ASGR1: variants seen among roughly 807,000 people sequenced by gnomAD.
ASGR1 encodes asialoglycoprotein receptor 1.
In ASGR1, 35 loss-of-function variants were observed where a neutral mutation model predicts 33.1. That is an observed-to-expected ratio of 1.06 (90% confidence interval 0.81 to 1.40). ASGR1 has a LOEUF of 1.40. Among genes scored for constraint, ASGR1 ranks in the 40% most tolerant of loss-of-function variants. The pLI, the probability that ASGR1 is intolerant of heterozygous loss-of-function variation, is 0.00. For synonymous variants in ASGR1, 142 were observed against 152.5 expected (o/e 0.93, Z 0.51); for missense variants, 396 against 373.7 (o/e 1.06, Z -0.49).
rs767396903 is a variant in ASGR1 at position 7,173,677 on chromosome 17, C to T, written c.858G>A (p.Gln286=). The change falls in exon 9 of 9, where the codon CAG becomes CAA. Residue 286 remains glutamine (Q), a synonymous_variant. Coordinates refer to ENST00000269299, the MANE Select transcript of ASGR1 (RefSeq NM_001671.5). The surrounding 1 kb of genome is among the most constrained non-coding windows in gnomAD (Gnocchi z 4.7). The part of the protein sequence containing the change: ...VCETELDKAS[Q]EPPLL ...AAATAAATTAAAGGAGAGGTGGCTC[C>T]TGGCTGGCCTTGTCCAGCTCTGTCT... 2.5e-6 allele frequency: 4 copies of T among 1,613,648 alleles called. No homozygotes were observed. The highest frequency in any genetic ancestry group is 1.7e-5 in the Admixed American group (1 of 60,028).
At chr17:7,176,709 C>G (rs1335543041) in intron 5 of ASGR1, 121 bp downstream of exon 5, 1 of 1,426,778 alleles carries the variant, frequency 7.0e-7, no homozygotes, top group African/African-American at 1.5e-5. Context: ...CAGACTCACA[C>G]ACACACACAC....
In ASGR1 at chr17:7,176,412, CACAG is replaced by C. The variant is rs566064537; in HGVS notation, c.355+414_355+417del. On this transcript the variant is annotated intron_variant, in intron 5 of 8. Transcript: ENST00000269299. Reference sequence around the variant, plus strand: ...CTCACACACACCTCATTATCACACTCACAGACACACTCCGTCATTCTCACACTCT... The same window carrying C: ...CTCACACACACCTCATTATCACACTCACACACTCCGTCATTCTCACACTCT... 3.3e-4 allele frequency among the ~76,000 whole-genome samples: 50 copies of C among 149,808 alleles called. 1 individual carries two copies. The South Asian group carries it at 5.8e-3, about 17-fold the overall frequency.
Position 7,173,986 on chromosome 17 carries a change from C to G in ASGR1, c.676G>C (p.Gly226Arg), listed in dbSNP as rs749476449. Reference protein sequence around the residue: ...DQNGPWKWVDGTDYETGFKNW... With the variant: ...DQNGPWKWVDRTDYETGFKNW... The stretch of plus-strand genomic sequence containing the variant: ...TTGAAGCCCGTCTCGTAGTCCGTCC[C>G]GTCCACCCACTTCCAGGGCCCGTTT... The change falls in exon 8 of 9, where the codon GGG (glycine) becomes CGG (arginine). Residue 226 changes from glycine (G) to arginine (R), a missense_variant. Physicochemically the swap from Gly to Arg is moderately radical, Grantham distance 125 (BLOSUM62 -2). Transcript: ENST00000269299. The surrounding 1 kb of genome is among the most constrained non-coding windows in gnomAD (Gnocchi z 4.7). 14 of 1,614,218 alleles carry G rather than the reference C, an allele frequency of 8.7e-6. No individual in the cohort carries two copies. Among genetic ancestry groups the G allele is most frequent in the Non-Finnish European group, 1.2e-5 (14 of 1,180,006 alleles).
At chr17:7,174,978 CACAT>C (rs199764556) in intron 5 of ASGR1, among the ~76,000 whole-genome samples, 3,095 of 150,538 alleles carry the variant, frequency 0.021, 46 homozygotes, top group Non-Finnish European at 0.029. Flanking sequence ...CCCTTACACA[CACAT>C]ACATAGACAC....
At chr17:7,178,733 CTTTTCTT>C (rs2069245066) in intron 1 of ASGR1, 145 bp from the exon 2 acceptor site, 4,146 of 189,796 alleles carry the variant, frequency 0.022, 10 homozygotes, top group Non-Finnish European at 0.03. Flanking sequence ...TCTTTTTTTT[CTTTTCTT>C]TTTTTTTTTT....
intron 5 of ASGR1, among the ~76,000 whole-genome samples, chr17:7,175,446 A>G (rs894111242): frequency 3.4e-5 from 5 of 147,304 alleles, no homozygotes; most frequent in Non-Finnish European, 3.0e-5. Flanking sequence ...CATTCACACA[A>G]CGCACACCCA....
chr17:7,176,105 C>G (rs1436342445), intron 5 of ASGR1, among the ~76,000 whole-genome samples: 2 of 151,138 alleles, frequency 1.3e-5, no homozygotes, highest in South Asian at 2.1e-4. Flanking sequence ...CACACTCCCT[C>G]TCATTCTCAC....
At position 7,176,309 on chromosome 17, in the gene ASGR1, ACT is replaced by A. The variant is rs1332055135; in HGVS notation, c.355+519_355+520del. On this transcript the variant is annotated intron_variant, in intron 5 of 8. Coordinates refer to ENST00000269299, the MANE Select transcript of ASGR1 (RefSeq NM_001671.5). ...CTCATTCTCACACTCACAGACTCAC[ACT>A]CAGACACAAACACCCCTCATTCTCA... Among the ~76,000 whole-genome samples, 11 of 139,316 alleles carry A rather than the reference ACT, an allele frequency of 7.9e-5. No homozygotes were observed. The East Asian group carries it at 2.4e-3, about 30-fold the overall frequency. The allele number at this position is 139,316 out of a possible 152,430, so 91.4% of individuals were successfully genotyped here.
intron 2 of ASGR1, 55 bp from the exon 3 acceptor site, chr17:7,177,381 T>A (rs899866280): frequency 4.9e-6 from 7 of 1,426,812 alleles, no homozygotes; most frequent in Non-Finnish European, 6.8e-6. Context: ...CTGGCACAGC[T>A]CCAGGGTCCT....
chr17:7,176,221 A>G (rs1432471758), intron 5 of ASGR1, among the ~76,000 whole-genome samples: 1 of 112,958 alleles, frequency 8.9e-6, no homozygotes, highest in African/African-American at 4.7e-5. Context: ...ACACTCACAA[A>G]CACACACACA....
Position 7,174,063 on chromosome 17 carries a change from A to G in ASGR1, c.599T>C (p.Phe200Ser). The change falls in exon 8 of 9, where the codon TTT becomes TCT. Residue 200 changes from phenylalanine to serine, a missense_variant. Transcript: ENST00000269299. ...CACAGGGCCTATGTGGTGCTGGACA[A>G]ATTTCTGAGGAGAGAGAAGGCGGGT... ...VVVTSWEEQK[F>S]VQHHIGPVNT... 1 of 1,614,188 alleles carries G rather than the reference A, an allele frequency of 6.2e-7. No individual in the cohort carries two copies. Among genetic ancestry groups the G allele is most frequent in the African/African-American group, 1.3e-5 (1 of 75,058 alleles).
At chr17:7,176,740 A>G in intron 5 of ASGR1, 90 bp downstream of exon 5, 1 of 1,550,090 alleles carries the variant, frequency 6.5e-7, no homozygotes, top group Admixed American at 1.7e-5. Context: ...TCTCACACAC[A>G]TCCACACACA....
At position 7,176,338 on chromosome 17, in the gene ASGR1, ACT is replaced by A. The variant is rs146603690; in HGVS notation, c.355+490_355+491del. On this transcript the variant is annotated intron_variant, in intron 5 of 8. Transcript: ENST00000269299. ...AGACACAAACACCCCTCATTCTCAC[ACT>A]CTCACACTCACAGACACACACACCC... Among the ~76,000 whole-genome samples, 382 of 140,298 alleles carry A rather than the reference ACT, an allele frequency of 2.7e-3. 3 individuals are homozygous for A. The highest frequency in any genetic ancestry group is 3.7e-3 in the South Asian group (16 of 4,368). The allele number at this position is 140,298 out of a possible 152,430, so 92.0% of individuals were successfully genotyped here.
At position 7,173,525 on chromosome 17, in the gene ASGR1, T is replaced by A; in HGVS notation, c.*134A>T. On this transcript the variant is annotated 3_prime_UTR_variant, in exon 9 of 9. Coordinates refer to ENST00000269299, the MANE Select transcript of ASGR1 (RefSeq NM_001671.5). This position sits in a 1 kb window ranked among gnomAD's most constrained non-coding sequence, Gnocchi z 4.7. ...GCCACGGGTTTCAAGCTCCTCACCT[T>A]CGGAACATCACCCTATCCTTCCCCT... The A allele has an allele frequency of 1.6e-6, 2 of 1,267,608 alleles. No individual in the cohort carries two copies. Among genetic ancestry groups the A allele is most frequent in the Non-Finnish European group, 2.2e-6 (2 of 927,120 alleles). 78.5% of individuals were successfully genotyped at this position (1,267,608 alleles called of 1,614,324 possible). A position where few individuals can be genotyped will look rare whatever the true frequency, so the allele number is the denominator to read the frequency against.
intron 5 of ASGR1, among the ~76,000 whole-genome samples, chr17:7,176,003 CAT>C (rs1271368293): frequency 6.3e-5 from 9 of 142,730 alleles, no homozygotes; most frequent in Non-Finnish European, 1.0e-4. Context: ...CATTCTCACA[CAT>C]AAACACAGAC....
chr17:7,176,825 C>A lies in ASGR1; in HGVS notation c.355+5G>T. 6.2e-7 allele frequency: 1 copy of A among 1,612,320 alleles called. No individual in the cohort carries two copies. ...ACACACACACACACACACTCCCTCT[C>A]TGACCTTCACTCAGGTCCTTCTGCT... is the stretch of plus-strand genomic sequence containing the variant. On this transcript the variant is annotated splice_donor_5th_base_variant and intron_variant, in intron 5 of 8. Transcript: ENST00000269299.
intron 5 of ASGR1, among the ~76,000 whole-genome samples, chr17:7,176,128 T>TCA (rs200521480): frequency 2.3e-5 from 3 of 129,440 alleles, no homozygotes; most frequent in African/African-American, 6.0e-5. Flanking sequence ...TCAGACTCTG[T>TCA]CACACACACA....
chr17:7,175,708 CT>C (rs1313682948), intron 5 of ASGR1, among the ~76,000 whole-genome samples: 1 of 150,874 alleles, frequency 6.6e-6, no homozygotes, highest in East Asian at 1.9e-4. Context: ...CTCCCTCATT[CT>C]CACACACATA....
At chr17:7,176,342 TCA>T (rs1208889689) in intron 5 of ASGR1, among the ~76,000 whole-genome samples, 6 of 138,482 alleles carry the variant, frequency 4.3e-5, no homozygotes, top group Non-Finnish European at 6.2e-5. Context: ...TCTCACACTC[TCA>T]CACTCACAGA....
Sources: allele counts gnomAD v4.1 joint callset (sites outside exome capture counted in the v4.1 genomes callset), GRCh38; gene constraint gnomAD v4.1.1; non-coding constraint Gnocchi (gnomAD v3.1); transcripts MANE v1.5; gene names NCBI Gene and HGNC (gene_info 2026-07-23, HGNC 2026-07-21).